The following LIPC variants were observed in gnomAD, a reference collection of about 807,000 sequenced individuals.
LIPC encodes hepatic triacylglycerol lipase.
Under a neutral mutation model 50.7 loss-of-function variants are expected in LIPC, and 44 were observed. The ratio of observed to expected loss-of-function variants is 0.87; its 90% confidence interval spans 0.68 to 1.11. The LOEUF (loss-of-function observed/expected upper bound fraction) is 1.11, where lower values mean the gene tolerates loss of function less well. Ranked by LOEUF, LIPC falls within the 50% of genes most tolerant of loss-of-function variation. LIPC has a pLI of 0.00. For missense variants in LIPC, 697 were observed against 648.2 expected, an observed-to-expected ratio of 1.08 and a Z score of -0.82; for synonymous variants, 271 against 256.4, an observed-to-expected ratio of 1.06 and a Z score of -0.54.
chr15:58,548,250 G>C, intron 5 of LIPC, 80 bp from the exon 6 acceptor site: 1 of 1,601,256 alleles, frequency 6.2e-7, no homozygotes, highest in Non-Finnish European at 8.5e-7. Context: ...CCTCCTGTGG[G>C]ATGAGAACCA....
rs140029729 is a variant in LIPC, at chr15:58,538,440, A to G, written c.196A>G (p.Ile66Val). 482 of 1,614,066 alleles carry G rather than the reference A, an allele frequency of 3.0e-4. 2 individuals carry two copies. The highest frequency in any genetic ancestry group is 3.7e-4 in the Non-Finnish European group (437 of 1,180,046). ...GETNQGCQIR[I>V]NHPDTLQECG... ...AACCAATCAGGGCTGTCAGATTCGA[A>G]TCAATCATCCGGACACGTTACAGGA... Residue 66 changes from isoleucine to valine, a missense_variant, in exon 2 of 9, where the codon ATC becomes GTC. Transcript: ENST00000299022.
At chr15:58,474,137 G>C (rs1483096999) in intron 1 of LIPC, among the ~76,000 whole-genome samples, 1 of 152,156 alleles carries the variant, frequency 6.6e-6, no homozygotes, top group African/African-American at 2.4e-5. Flanking sequence ...ATCTCCAGGG[G>C]ACTAGGCCCT....
At chr15:58,522,136 C>G (rs765836578) in intron 1 of LIPC, 1 of 152,674 alleles carries the variant, frequency 6.5e-6, no homozygotes, top group African/African-American at 2.4e-5. Flanking sequence ...CCCCCACCAC[C>G]CCAGAACCCC....
At chr15:58,536,124 CT>C (rs1349591481) in intron 1 of LIPC, among the ~76,000 whole-genome samples, 1 of 152,166 alleles carries the variant, frequency 6.6e-6, no homozygotes, top group Non-Finnish European at 1.5e-5. Context: ...CAGTACGGTG[CT>C]GAGAGCAAGA....
At chr15:58,448,585 C>T (rs1195796303) in intron 1 of LIPC, among the ~76,000 whole-genome samples, 1 of 152,254 alleles carries the variant, frequency 6.6e-6, no homozygotes, top group African/African-American at 2.4e-5. Flanking sequence ...AGGAGAGCAC[C>T]TCACTCAGCA....
chr15:58,449,363 G>A (rs556311543), intron 1 of LIPC, among the ~76,000 whole-genome samples: 15 of 152,276 alleles, frequency 9.9e-5, no homozygotes, highest in African/African-American at 3.6e-4. Context: ...TTGATGGCTT[G>A]GAATTAAAAT....
chr15:58,564,053 G>A (rs910133936), intron 8 of LIPC: 33 of 405,294 alleles, frequency 8.1e-5, no homozygotes, highest in African/African-American at 6.7e-4. Flanking sequence ...TGATGTCAGT[G>A]CTGCCAGTCC....
At chr15:58,530,801 T>G (rs1326911120) in intron 1 of LIPC, among the ~76,000 whole-genome samples, 1 of 152,250 alleles carries the variant, frequency 6.6e-6, no homozygotes, top group African/African-American at 2.4e-5. Flanking sequence ...CTTAGCTTTA[T>G]GCATTTTAGA....
intron 1 of LIPC, among the ~76,000 whole-genome samples, chr15:58,497,503 T>C (rs1891814548): frequency 6.6e-6 from 1 of 152,180 alleles, no homozygotes; most frequent in African/African-American, 2.4e-5. Flanking sequence ...CTTCAAGCTA[T>C]GGGGAGCATC....
In LIPC at chr15:58,548,368, G is replaced by C. The variant is rs774131745; in HGVS notation, c.847G>C (p.Val283Leu). ...CATAAAATGCTCCCACGAGCGATCG[G>C]TGCACCTTTTCATCGACTCCTTGCT... ...QTIKCSHERS[V>L]HLFIDSLLHA... Residue 283 changes from valine to leucine, a missense_variant, in exon 6 of 9, where the codon GTG (valine) becomes CTG (leucine). Val to Leu is a conservative substitution (Grantham distance 32). Transcript: ENST00000299022. 3 of 1,614,022 alleles carry C rather than the reference G, an allele frequency of 1.9e-6. No homozygotes were observed. The highest frequency in any genetic ancestry group is 2.5e-6 in the Non-Finnish European group (3 of 1,180,040).
At chr15:58,473,544 C>T (rs1890880899) in intron 1 of LIPC, 1 of 152,248 alleles carries the variant, frequency 6.6e-6, no homozygotes, top group Admixed American at 6.5e-5. Flanking sequence ...TAGGAAGACG[C>T]AGCAGGGAGG....
chr15:58,470,575 C>A (rs1894756032), intron 1 of LIPC, among the ~76,000 whole-genome samples: 1 of 148,810 alleles, frequency 6.7e-6, no homozygotes, highest in Non-Finnish European at 1.5e-5. Context: ...GACAAAAATA[C>A]AGAAAGAATT....
intron 6 of LIPC, among the ~76,000 whole-genome samples, chr15:58,558,747 G>A (rs1485819409): frequency 2.0e-5 from 3 of 152,112 alleles, no homozygotes; most frequent in African/African-American, 7.2e-5. Context: ...CATCCCTGAT[G>A]CCCAAAATGT....
intron 6 of LIPC, among the ~76,000 whole-genome samples, chr15:58,555,647 G>A (rs1386779894): frequency 1.3e-5 from 2 of 152,170 alleles, no homozygotes; most frequent in Non-Finnish European, 2.9e-5. Flanking sequence ...GGACTCCACT[G>A]GCCTGGATCA....
chr15:58,440,067 A>G (rs1893451420), intron 1 of LIPC, among the ~76,000 whole-genome samples: 1 of 152,228 alleles, frequency 6.6e-6, no homozygotes, highest in Non-Finnish European at 1.5e-5. Context: ...TACAACCCCA[A>G]AAGTATTTAA....
At chr15:58,457,267 GC>G (rs2140694209) in intron 1 of LIPC, among the ~76,000 whole-genome samples, 1 of 152,208 alleles carries the variant, frequency 6.6e-6, no homozygotes, top group South Asian at 2.1e-4. Flanking sequence ...GCACCACCAC[GC>G]CTGGCTAATT....
intron 1 of LIPC, among the ~76,000 whole-genome samples, chr15:58,502,110 C>T (rs1258473504): frequency 1.3e-5 from 2 of 152,246 alleles, no homozygotes; most frequent in African/African-American, 2.4e-5. Context: ...GAGAGAGAGC[C>T]TTGCACGGAG....
At chr15:58,557,289 G>T (rs192393090) in intron 6 of LIPC, among the ~76,000 whole-genome samples, 21 of 151,726 alleles carry the variant, frequency 1.4e-4, no homozygotes, top group African/African-American at 4.8e-4. Flanking sequence ...TTGTTTGAGG[G>T]TCAAGTGAGA....
At chr15:58,553,405 G>C (rs147784043) in intron 6 of LIPC, among the ~76,000 whole-genome samples, 2 of 152,120 alleles carry the variant, frequency 1.3e-5, no homozygotes, top group African/African-American at 4.8e-5. Flanking sequence ...AAACCAGCTC[G>C]GGCAACAAAG....
Sources: allele counts gnomAD v4.1 joint callset (sites outside exome capture counted in the v4.1 genomes callset), GRCh38; gene constraint gnomAD v4.1.1; transcripts MANE v1.5; gene names NCBI Gene and HGNC (gene_info 2026-07-23, HGNC 2026-07-21).